Variants in PNPT1 observed in about 807,000 individuals in gnomAD.
The protein encoded by PNPT1 is polyribonucleotide nucleotidyltransferase 1.
A neutral mutation model predicts 119.5 loss-of-function variants in PNPT1; 53 were observed. That is an observed-to-expected ratio of 0.44 (90% CI 0.36 to 0.56). The LOEUF is 0.56. Among genes scored for constraint, PNPT1 ranks in the 20% least tolerant of loss-of-function variants. The pLI is 0.00. For missense variants in PNPT1, 948 were observed against 938.5 expected (o/e 1.01, Z -0.13); for synonymous variants, 357 against 322.1 (o/e 1.11, Z -1.16).
At chr2:55,662,642 C>T (rs1417934139) in intron 13 of PNPT1, among the ~76,000 whole-genome samples, 1 of 152,084 alleles carries the variant, frequency 6.6e-6, no homozygotes, top group African/African-American at 2.4e-5. Flanking sequence ...CCACTGCACT[C>T]CAGCCTGGGC....
At chr2:55,683,717 A>G in intron 5 of PNPT1, 68 bp downstream of exon 5, 10 of 1,396,514 alleles carry the variant, frequency 7.2e-6, no homozygotes, top group Non-Finnish European at 1.0e-5. Flanking sequence ...ACTCTAGGAA[A>G]TATTACAGAG....
chr2:55,644,843 A>C (rs2104030293), intron 22 of PNPT1, 123 bp from the exon 23 acceptor site: 119 of 520,174 alleles, frequency 2.3e-4, no homozygotes, highest in Middle Eastern at 6.7e-4. Flanking sequence ...ATTTTACTAT[A>C]AAACAGAAAA....
At chr2:55,682,959 T>G (rs1697294695) in intron 5 of PNPT1, among the ~76,000 whole-genome samples, 1 of 152,186 alleles carries the variant, frequency 6.6e-6, no homozygotes, top group Admixed American at 6.5e-5. Context: ...GTGATATTCT[T>G]GCAAAGGCAT....
chr2:55,638,217 G>C (rs1369917223), intron 26 of PNPT1, among the ~76,000 whole-genome samples: 1 of 151,360 alleles, frequency 6.6e-6, no homozygotes, highest in Non-Finnish European at 1.5e-5. Flanking sequence ...CAGGAGAATT[G>C]CCTGAATCTG....
chr2:55,687,787 T>A, intron 1 of PNPT1, 82 bp from the exon 2 acceptor site: 1 of 1,112,862 alleles, frequency 9.0e-7, no homozygotes, highest in Non-Finnish European at 1.3e-6. Context: ...TAAAAGATTC[T>A]AAGGGAAGAT....
Position 55,664,456 on chromosome 2 carries a change from T to C in PNPT1, c.1177-2430A>G, listed in dbSNP as rs547001827. On this transcript the variant is annotated intron_variant, in intron 13 of 27. Coordinates refer to ENST00000447944, the MANE Select transcript of PNPT1 (RefSeq NM_033109.5). ...GACTCTACAAAAATTTTTTACAATA[T>C]ATAAATAAAAAGTTGTGAGAAGTTA... 8.5e-5 allele frequency among the ~76,000 whole-genome samples: 13 copies of C among 152,270 alleles called. No homozygotes were observed. The South Asian group carries it at 2.7e-3, about 32-fold the overall frequency.
rs752335436 is a variant in PNPT1, at chr2:55,643,216, G to GT, written c.2014-4dup. 6.8e-6 allele frequency: 11 copies of GT among 1,614,130 alleles called. No individual in the cohort carries two copies. Among genetic ancestry groups the GT allele is most frequent in the Non-Finnish European group, 9.3e-6 (11 of 1,180,014 alleles). ...CCAAATTCTAATTGCTGCTCCTGCTGTAAGTGCAAAATAAGCCATAAGATT... is the reference window on the plus strand; with the variant it reads ...CCAAATTCTAATTGCTGCTCCTGCTGTTAAGTGCAAAATAAGCCATAAGATT... On this transcript the variant is annotated splice_region_variant and splice_polypyrimidine_tract_variant and intron_variant, in intron 24 of 27. Coordinates refer to ENST00000447944, the MANE Select transcript of PNPT1 (RefSeq NM_033109.5).
intron 27 of PNPT1, 80 bp from the exon 28 acceptor site, chr2:55,636,472 T>C: frequency 7.0e-7 from 1 of 1,435,870 alleles, no homozygotes; most frequent in Non-Finnish European, 9.6e-7. Flanking sequence ...TAAATTTACA[T>C]GGTCCAAATA....
Sources: gnomAD v4.1 joint callset for allele counts (sites outside exome capture counted in the v4.1 genomes callset) on GRCh38, gnomAD v4.1.1 for gene constraint, MANE v1.5 for transcripts, NCBI Gene and HGNC (gene_info 2026-07-23, HGNC 2026-07-21) for gene names.